The following TEX9 variants were observed in gnomAD, a reference collection of about 807,000 sequenced individuals.
The protein encoded by TEX9 is testis-expressed protein 9.
In TEX9, 74 loss-of-function variants were observed where a neutral mutation model predicts 59.6. The ratio of observed to expected loss-of-function variants is 1.24; its 90% CI spans 1.03 to 1.51. The LOEUF (loss-of-function observed/expected upper bound fraction) is 1.51, where lower values mean the gene tolerates loss of function less well. Ranked by LOEUF, TEX9 falls within the 40% of genes most tolerant of loss-of-function variation. The pLI, the probability that TEX9 is intolerant of heterozygous loss-of-function variation, is 0.00. For synonymous variants in TEX9, 186 were observed against 152.2 expected (o/e 1.22, Z -1.64); for missense variants, 522 against 447.8 (o/e 1.17, Z -1.49).
chr15:56,336,450 A>T (rs2046259368), intron 1 of TEX9, among the ~76,000 whole-genome samples: 1 of 152,134 alleles, frequency 6.6e-6, no homozygotes, highest in South Asian at 2.1e-4. Context: ...CTCCCAGATT[A>T]CCAAATTGGT....
rs569523248 is a variant in TEX9, at chr15:56,318,142, T to C, written c.-106-55299T>C. 5.9e-5 allele frequency among the ~76,000 whole-genome samples: 9 copies of C among 152,254 alleles called. 1 individual carries two copies. Among genetic ancestry groups the C allele is most frequent in the African/African-American group, 2.2e-4 (9 of 41,578 alleles). ...CAATTCTCTCAATCTTTGCTTTATA[T>C]ATTTTGAAGCTCTGTTGTTAGGTGC... On this transcript the variant is annotated intron_variant, in intron 1 of 5. Transcript: ENST00000560827.
intron 1 of TEX9, among the ~76,000 whole-genome samples, chr15:56,255,279 A>G (rs2044119748): frequency 6.6e-6 from 1 of 152,128 alleles, no homozygotes; most frequent in South Asian, 2.1e-4. Context: ...GTTCTAGATG[A>G]TTGCAACATA....
At chr15:56,306,542 G>A (rs989942707) in intron 1 of TEX9, among the ~76,000 whole-genome samples, 7 of 152,094 alleles carry the variant, frequency 4.6e-5, no homozygotes, top group Non-Finnish European at 1.0e-4. Context: ...CTCATTTATG[G>A]GAGCTAAAAA....
intron 1 of TEX9, among the ~76,000 whole-genome samples, chr15:56,290,545 G>A (rs1340521650): frequency 2.0e-5 from 3 of 152,014 alleles, no homozygotes; most frequent in African/African-American, 7.3e-5. Context: ...ACCTTCTACG[G>A]TCCTCAAACA....
intron 10 of TEX9, among the ~76,000 whole-genome samples, chr15:56,417,487 G>T (rs1165805523): frequency 2.0e-5 from 3 of 151,826 alleles, no homozygotes; most frequent in Non-Finnish European, 4.4e-5. Context: ...TAATTTCCAT[G>T]TAACTGCATG....
intron 1 of TEX9, among the ~76,000 whole-genome samples, chr15:56,321,828 C>T (rs2045910792): frequency 6.6e-6 from 1 of 152,048 alleles, no homozygotes; most frequent in Admixed American, 6.6e-5. Flanking sequence ...TTAGGACTAG[C>T]TAGACCTCAA....
chr15:56,440,044 A>G (rs948195996), intron 12 of TEX9, among the ~76,000 whole-genome samples: 3 of 152,152 alleles, frequency 2.0e-5, no homozygotes, highest in African/African-American at 7.2e-5. Context: ...GAATATATGA[A>G]GAACTCTCAA....
At chr15:56,291,306 C>T (rs1157951225) in intron 1 of TEX9, among the ~76,000 whole-genome samples, 1 of 152,154 alleles carries the variant, frequency 6.6e-6, no homozygotes, top group Non-Finnish European at 1.5e-5. Context: ...GAAGGACCAA[C>T]GATGCTTGTT....
At chr15:56,329,862 G>A (rs772193719) in intron 1 of TEX9, among the ~76,000 whole-genome samples, 7 of 152,046 alleles carry the variant, frequency 4.6e-5, no homozygotes, top group Non-Finnish European at 1.0e-4. Context: ...TTTATTTGAA[G>A]GGTTACTATC....
At chr15:56,282,822 C>T (rs1221166484) in intron 1 of TEX9, among the ~76,000 whole-genome samples, 1 of 152,088 alleles carries the variant, frequency 6.6e-6, no homozygotes, top group South Asian at 2.1e-4. Flanking sequence ...TTCAATATGC[C>T]TGTTAATTTG....
At chr15:56,340,245 A>G (rs1176384151) in intron 1 of TEX9, among the ~76,000 whole-genome samples, 1 of 152,176 alleles carries the variant, frequency 6.6e-6, no homozygotes, top group Non-Finnish European at 1.5e-5. Flanking sequence ...AAGTATATCC[A>G]TTTCAATGAT....
intron 3 of TEX9, among the ~76,000 whole-genome samples, chr15:56,381,271 G>T (rs1234752901): frequency 3.9e-5 from 6 of 151,994 alleles, no homozygotes; most frequent in African/African-American, 1.5e-4. Context: ...CAATCTGTTC[G>T]TTAAATTTAT....
intron 9 of TEX9, among the ~76,000 whole-genome samples, chr15:56,405,791 T>A (rs2049050087): frequency 6.6e-6 from 1 of 151,512 alleles, no homozygotes; most frequent in Non-Finnish European, 1.5e-5. Flanking sequence ...ATGGACTTGC[T>A]TTTATAAATC....
intron 4 of TEX9, among the ~76,000 whole-genome samples, chr15:56,387,638 T>A (rs1037387618): frequency 2.0e-5 from 3 of 151,944 alleles, no homozygotes; most frequent in Non-Finnish European, 4.4e-5. Context: ...ATAGCAATAA[T>A]GGATGCTAAC....
chr15:56,279,250 T>G (rs1263346470), intron 1 of TEX9, among the ~76,000 whole-genome samples: 5 of 152,190 alleles, frequency 3.3e-5, no homozygotes, highest in African/African-American at 1.2e-4. Context: ...CCTTTATACT[T>G]TGTTGAGAAG....
At chr15:56,406,551 T>C (rs1161672476) in intron 9 of TEX9, among the ~76,000 whole-genome samples, 1 of 152,196 alleles carries the variant, frequency 6.6e-6, no homozygotes, top group South Asian at 2.1e-4. Flanking sequence ...TTGTACCATT[T>C]TACATTCCCA....
At chr15:56,306,545 G>A (rs913064603) in intron 1 of TEX9, among the ~76,000 whole-genome samples, 1 of 152,126 alleles carries the variant, frequency 6.6e-6, no homozygotes, top group African/African-American at 2.4e-5. Flanking sequence ...ATTTATGGGA[G>A]CTAAAAATTA....
chr15:56,262,313 A>C (rs1400673396), intron 1 of TEX9, among the ~76,000 whole-genome samples: 1 of 152,146 alleles, frequency 6.6e-6, no homozygotes, highest in Admixed American at 6.5e-5. Flanking sequence ...TAGCTACACC[A>C]CATAAATTTT....
intron 1 of TEX9, among the ~76,000 whole-genome samples, chr15:56,312,147 A>G (rs1464919189): frequency 6.7e-6 from 1 of 148,708 alleles, no homozygotes; most frequent in Non-Finnish European, 1.5e-5. Context: ...TCTTTAGTTT[A>G]ATTACATCCC....
Sources: gnomAD v4.1 joint callset for allele counts (sites outside exome capture counted in the v4.1 genomes callset) on GRCh38, gnomAD v4.1.1 for gene constraint, MANE v1.5 for transcripts, NCBI Gene and HGNC (gene_info 2026-07-23, HGNC 2026-07-21) for gene names.